RANBP17: variants seen among roughly 807,000 people sequenced by gnomAD.
RANBP17 encodes the protein ran-binding protein 17.
In RANBP17, 158 loss-of-function variants were observed where a neutral mutation model predicts 141.2. The observed-to-expected ratio is 1.12, with a 90% CI of 0.98 to 1.28. The LOEUF (loss-of-function observed/expected upper bound fraction) is 1.28, where lower values mean the gene tolerates loss of function less well. Ranked by LOEUF, RANBP17 falls within the 50% of genes most tolerant of loss-of-function variation. RANBP17 has a pLI of 0.00. For synonymous variants in RANBP17, 430 were observed against 450.0 expected (o/e 0.96, Z 0.56); for missense variants, 1,438 against 1,290.7 (o/e 1.11, Z -1.75).
chr5:171,246,836 G>A (rs1172999371), intron 24 of RANBP17, among the ~76,000 whole-genome samples: 2 of 152,286 alleles, frequency 1.3e-5, no homozygotes, highest in South Asian at 2.1e-4. Flanking sequence ...GCCTGCTGCT[G>A]TCATAGGTGT....
chr5:170,997,554 A>G (rs1391448615), intron 14 of RANBP17, among the ~76,000 whole-genome samples: 3 of 152,192 alleles, frequency 2.0e-5, no homozygotes, highest in Non-Finnish European at 4.4e-5. Flanking sequence ...CCTCTCAGAA[A>G]GTCTTTCTAG....
At chr5:170,878,625 T>C (rs1472025043) in intron 2 of RANBP17, among the ~76,000 whole-genome samples, 1 of 152,192 alleles carries the variant, frequency 6.6e-6, no homozygotes, top group Non-Finnish European at 1.5e-5. Context: ...AGCATGCTGA[T>C]TACCTCTTGC....
chr5:170,923,796 A>G (rs1193792973), intron 11 of RANBP17, among the ~76,000 whole-genome samples: 2 of 152,018 alleles, frequency 1.3e-5, no homozygotes, highest in African/African-American at 4.8e-5. Context: ...CTAGTTGTTC[A>G]CTGCCAATAT....
At chr5:171,029,244 A>G in intron 14 of RANBP17, 1 of 156,978 alleles carries the variant, frequency 6.4e-6, no homozygotes, top group Admixed American at 6.3e-5. Context: ...TAAATTCCAG[A>G]ACTCTTAAAA....
chr5:171,297,535 A>G (rs1004353034), intron 27 of RANBP17, among the ~76,000 whole-genome samples: 31 of 152,178 alleles, frequency 2.0e-4, no homozygotes, highest in African/African-American at 7.2e-4. Context: ...TGACCAAGTC[A>G]GTTGGGGTAT....
chr5:170,975,740 G>A (rs924209641), intron 14 of RANBP17, among the ~76,000 whole-genome samples: 1 of 152,070 alleles, frequency 6.6e-6, no homozygotes, highest in Non-Finnish European at 1.5e-5. Flanking sequence ...TTTAACATAC[G>A]AATTTCCCGC....
intron 5 of RANBP17, 23 bp downstream of exon 5, chr5:170,896,138 CA>C: frequency 6.5e-7 from 1 of 1,540,240 alleles, no homozygotes; most frequent in East Asian, 2.3e-5. Context: ...TTCCATCTAA[CA>C]GGAGCCTGAG....
intron 14 of RANBP17, among the ~76,000 whole-genome samples, chr5:171,069,509 A>G (rs1357692824): frequency 2.0e-5 from 3 of 152,172 alleles, no homozygotes; most frequent in African/African-American, 4.8e-5. Flanking sequence ...TTACCCTGCC[A>G]TTGTTGTGTC....
chr5:171,106,185 A>C (rs1483407379), intron 14 of RANBP17, among the ~76,000 whole-genome samples: 2 of 152,204 alleles, frequency 1.3e-5, no homozygotes, highest in Admixed American at 1.3e-4. Context: ...CAGTACTGTG[A>C]CTGAGGTAAA....
intron 12 of RANBP17, among the ~76,000 whole-genome samples, chr5:170,932,520 T>C (rs1381175423): frequency 6.6e-6 from 1 of 151,968 alleles, no homozygotes; most frequent in Non-Finnish European, 1.5e-5. Context: ...TTTTTGTCCA[T>C]TCAGTATGAT....
intron 14 of RANBP17, among the ~76,000 whole-genome samples, chr5:171,027,453 T>A (rs967271701): frequency 6.6e-6 from 1 of 152,164 alleles, no homozygotes; most frequent in African/African-American, 2.4e-5. Flanking sequence ...TCACTTTTTC[T>A]ATTTGTGAGA....
chr5:170,890,258 A>G (rs1561859173), intron 3 of RANBP17, among the ~76,000 whole-genome samples: 1 of 152,218 alleles, frequency 6.6e-6, no homozygotes, highest in African/African-American at 2.4e-5. Flanking sequence ...ATTTTCTTTT[A>G]TATTCAGGAA....
At position 171,162,154 on chromosome 5, in the gene RANBP17, A is replaced by G. The variant is rs1392234801; in HGVS notation, c.1711-7976A>G. On this transcript the variant is annotated intron_variant, in intron 14 of 27. Transcript: ENST00000523189. ...AGCTTCTTTTTGAATGGGCTTGGGG[A>G]GATAATATATTTACCCAGGGCTTTA... 1.1e-4 allele frequency among the ~76,000 whole-genome samples: 16 copies of G among 152,210 alleles called. 1 individual carries two copies. In the East Asian group the frequency reaches 3.1e-3, roughly 29 times the overall value.
intron 21 of RANBP17, among the ~76,000 whole-genome samples, chr5:171,215,353 T>G (rs903307714): frequency 2.6e-5 from 4 of 152,182 alleles, no homozygotes; most frequent in African/African-American, 7.2e-5. Context: ...CAAATAGTGC[T>G]GCAGTAAACA....
At chr5:171,031,420 A>C (rs1160428181) in intron 14 of RANBP17, among the ~76,000 whole-genome samples, 1 of 152,036 alleles carries the variant, frequency 6.6e-6, no homozygotes, top group Admixed American at 6.6e-5. Context: ...ACAAGAGCAT[A>C]CTGCTGACCC....
At chr5:171,277,637 G>GTATGTATATGTATATATATATA (rs1554127913) in intron 25 of RANBP17, among the ~76,000 whole-genome samples, 1,343 of 56,636 alleles carry the variant, frequency 0.024, 38 homozygotes, top group Non-Finnish European at 0.036. Flanking sequence ...ATATATGTAT[G>GTATGTATATGTATATATATATA]TATATATATA....
intron 24 of RANBP17, chr5:171,252,427 G>A (rs1581122898): frequency 7.9e-6 from 12 of 1,513,560 alleles, no homozygotes; most frequent in East Asian, 2.3e-5. Flanking sequence ...GTCTGTTGAC[G>A]TGGAACAAAA....
rs768140674 is a variant in RANBP17, at chr5:171,152,416, C to CA, written c.1711-17700dup. On this transcript the variant is annotated intron_variant, in intron 14 of 27. Transcript: ENST00000523189. ...TGGGCGACAGAACGAGACTCTATCTCAAAAAAAAAAAAAAGGGCCCCAAAA... is the reference window on the plus strand; with the variant it reads ...TGGGCGACAGAACGAGACTCTATCTCAAAAAAAAAAAAAAAGGGCCCCAAAA... 3.7e-3 allele frequency among the ~76,000 whole-genome samples: 433 copies of CA among 118,334 alleles called. 1 individual carries two copies. The highest frequency in any genetic ancestry group is 9.4e-3 in the Admixed American group (107 of 11,402). 77.6% of individuals were successfully genotyped at this position (118,334 alleles called of 152,430 possible). A position where few individuals can be genotyped will look rare whatever the true frequency, so the allele number is the denominator to read the frequency against.
intron 14 of RANBP17, among the ~76,000 whole-genome samples, chr5:171,152,586 G>C (rs932702114): frequency 2.0e-5 from 3 of 152,048 alleles, no homozygotes; most frequent in Non-Finnish European, 4.4e-5. Flanking sequence ...TGGCTTTTAA[G>C]GTTCTCCATA....
Sources: gnomAD v4.1 joint callset for allele counts (sites outside exome capture counted in the v4.1 genomes callset) on GRCh38, gnomAD v4.1.1 for gene constraint, MANE v1.5 for transcripts, NCBI Gene and HGNC (gene_info 2026-07-23, HGNC 2026-07-21) for gene names.